Variants in ATXN1 observed in about 807,000 individuals in gnomAD.
The protein encoded by ATXN1 is ataxin-1.
ATXN1 carries 8 observed loss-of-function variants against 56.4 expected under a neutral mutation model. The ratio of observed to expected loss-of-function variants is 0.14; its 90% CI spans 0.08 to 0.26. ATXN1 has a LOEUF of 0.26. Among genes scored for constraint, ATXN1 ranks in the 10% least tolerant of loss-of-function variants. ATXN1 has a pLI of 1.00. For missense variants in ATXN1, 987 were observed against 1,106.5 expected, an observed-to-expected ratio of 0.89 and a Z score of 1.53; for synonymous variants, 514 against 494.6, an observed-to-expected ratio of 1.04 and a Z score of -0.52.
chr6:16,708,429 C>T (rs1303034607), intron 2 of ATXN1, among the ~76,000 whole-genome samples: 1 of 152,128 alleles, frequency 6.6e-6, no homozygotes, highest in Non-Finnish European at 1.5e-5. Flanking sequence ...AGACAATTCC[C>T]AGAGGAAATA....
At chr6:16,540,122 G>A (rs961530758) in intron 4 of ATXN1, among the ~76,000 whole-genome samples, 1 of 152,204 alleles carries the variant, frequency 6.6e-6, no homozygotes, top group East Asian at 1.9e-4. Flanking sequence ...CTGCAATGCT[G>A]AGAATCAAGA....
intron 5 of ATXN1, among the ~76,000 whole-genome samples, chr6:16,518,837 G>A (rs1294349699): frequency 1.3e-5 from 2 of 152,146 alleles, no homozygotes; most frequent in African/African-American, 4.8e-5. Flanking sequence ...TGGGAAAAAG[G>A]ATGATTTTGG....
At chr6:16,728,677 C>T (rs567369166) in intron 2 of ATXN1, among the ~76,000 whole-genome samples, 1 of 152,294 alleles carries the variant, frequency 6.6e-6, no homozygotes, top group East Asian at 1.9e-4. Context: ...TTAGTCCTTA[C>T]ATTGACTATA....
At chr6:16,329,542 T>C (rs1760931962) in intron 6 of ATXN1, among the ~76,000 whole-genome samples, 2 of 152,336 alleles carry the variant, frequency 1.3e-5, no homozygotes, top group African/African-American at 2.4e-5. Flanking sequence ...AATTTGATTA[T>C]GGTTAAAAAA....
At chr6:16,521,481 C>A (rs1174693790) in intron 5 of ATXN1, among the ~76,000 whole-genome samples, 1 of 152,180 alleles carries the variant, frequency 6.6e-6, no homozygotes, top group African/African-American at 2.4e-5. Context: ...TGGCGTGAAC[C>A]CGGGAGGCGG....
intron 3 of ATXN1, among the ~76,000 whole-genome samples, chr6:16,639,852 T>C (rs1317425026): frequency 6.6e-6 from 1 of 152,216 alleles, no homozygotes; most frequent in Non-Finnish European, 1.5e-5. Context: ...AAAGAAATAC[T>C]TCTTCTCTGA....
chr6:16,748,049 G>A (rs1053035602), intron 2 of ATXN1, among the ~76,000 whole-genome samples: 1 of 152,190 alleles, frequency 6.6e-6, no homozygotes, highest in Admixed American at 6.5e-5. Context: ...TCATCATCTC[G>A]CTGAGACTCT....
At chr6:16,707,281 T>C (rs1349749513) in intron 2 of ATXN1, among the ~76,000 whole-genome samples, 1 of 152,174 alleles carries the variant, frequency 6.6e-6, no homozygotes, top group Non-Finnish European at 1.5e-5. Flanking sequence ...CAAATGGAAT[T>C]TGGGAGGGAA....
chr6:16,694,498 T>G (rs888675860), intron 2 of ATXN1, among the ~76,000 whole-genome samples: 1 of 152,150 alleles, frequency 6.6e-6, no homozygotes, highest in Admixed American at 6.5e-5. Flanking sequence ...TAAAAGAAAT[T>G]ATGTCTATGT....
chr6:16,340,067 C>CA (rs1010661004), intron 6 of ATXN1, among the ~76,000 whole-genome samples: 2 of 152,224 alleles, frequency 1.3e-5, no homozygotes, highest in Non-Finnish European at 2.9e-5. Flanking sequence ...AGGTATGAGC[C>CA]ACCGCGCCTG....
At chr6:16,598,541 G>A (rs932433011) in intron 3 of ATXN1, among the ~76,000 whole-genome samples, 11 of 152,242 alleles carry the variant, frequency 7.2e-5, no homozygotes, top group African/African-American at 1.4e-4. Context: ...AGTCACTAAC[G>A]CTTGTCTCAG....
intron 6 of ATXN1, among the ~76,000 whole-genome samples, chr6:16,349,313 G>A (rs1349650964): frequency 1.3e-5 from 2 of 151,888 alleles, no homozygotes; most frequent in Non-Finnish European, 1.5e-5. Flanking sequence ...GACCATCCTG[G>A]CCAACATGGT....
chr6:16,708,427 C>A (rs1403966914), intron 2 of ATXN1, among the ~76,000 whole-genome samples: 1 of 152,108 alleles, frequency 6.6e-6, no homozygotes, highest in Admixed American at 6.5e-5. Context: ...CTAGACAATT[C>A]CCAGAGGAAA....
At position 16,303,273 on chromosome 6, in the gene ATXN1, T is replaced by G. The variant is rs1468986520; in HGVS notation, c.*3056A>C. 1 of 152,372 alleles carries G rather than the reference T, an allele frequency of 6.6e-6. No homozygotes were observed. Among genetic ancestry groups the G allele is most frequent in the Non-Finnish European group, 1.5e-5 (1 of 68,106 alleles). 9.4% of individuals were successfully genotyped at this position (152,372 alleles called of 1,614,324 possible). A position where few individuals can be genotyped will look rare whatever the true frequency, so the allele number is the denominator to read the frequency against. On this transcript the variant is annotated 3_prime_UTR_variant, in exon 8 of 8. Coordinates refer to ENST00000436367, the MANE Select transcript of ATXN1 (RefSeq NM_001128164.2). The surrounding 1 kb of genome is among the most constrained non-coding windows in gnomAD (Gnocchi z 4.3). ...TCCACACTCCACATTCACTATTCCGTGTGGTGACAGGGGACACTGCGGTTC... is the reference window on the plus strand; with the variant it reads ...TCCACACTCCACATTCACTATTCCGGGTGGTGACAGGGGACACTGCGGTTC...
chr6:16,542,224 G>A (rs771565127), intron 4 of ATXN1, among the ~76,000 whole-genome samples: 2 of 152,118 alleles, frequency 1.3e-5, no homozygotes, highest in African/African-American at 2.4e-5. Flanking sequence ...CTTCCAATGG[G>A]TTCTCTGCAC....
In ATXN1 at chr6:16,306,450, G is replaced by A; in HGVS notation, c.2327C>T (p.Ala776Val). ...CTTCTCCAGTTTGCGGCTCTCTGGC[G>A]CCGACCACCTCCTCTTCCTCGTTGC... is the stretch of plus-strand genomic sequence containing the variant. ...PAATRKRRWS[A>V]PESRKLEKSE... The change falls in exon 8 of 8, where the codon GCG becomes GTG. Residue 776 changes from alanine (A) to valine (V), a missense_variant. Physicochemically the swap from Ala to Val is moderately conservative, Grantham distance 64. Around this residue, in one of 3 missense-constraint regions of ATXN1, gnomAD observed 196 missense variants for 196.7 expected, o/e 1.00. Transcript: ENST00000436367. The surrounding 1 kb of genome is among the most constrained non-coding windows in gnomAD (Gnocchi z 5.2). 3 of 1,614,124 alleles carry A rather than the reference G, an allele frequency of 1.9e-6. No homozygotes were observed. The highest frequency in any genetic ancestry group is 2.5e-6 in the Non-Finnish European group (3 of 1,180,038).
At chr6:16,510,692 T>G (rs991769920) in intron 5 of ATXN1, among the ~76,000 whole-genome samples, 6 of 152,064 alleles carry the variant, frequency 3.9e-5, no homozygotes, top group African/African-American at 1.4e-4. Context: ...GAGCTGTGAG[T>G]GCACCACTGC....
intron 4 of ATXN1, among the ~76,000 whole-genome samples, chr6:16,523,259 G>A (rs572499406): frequency 1.2e-4 from 18 of 152,198 alleles, no homozygotes; most frequent in South Asian, 8.3e-4. Context: ...TCATAGATCC[G>A]TGCCCATTTT....
At chr6:16,578,033 C>T (rs1762456890) in intron 4 of ATXN1, among the ~76,000 whole-genome samples, 1 of 152,074 alleles carries the variant, frequency 6.6e-6, no homozygotes, top group African/African-American at 2.4e-5. Context: ...TCATTTTCTC[C>T]CACTACATTA....
Sources: allele counts gnomAD v4.1 joint callset (sites outside exome capture counted in the v4.1 genomes callset), GRCh38; gene constraint gnomAD v4.1.1; regional missense constraint gnomAD v4.1.1; non-coding constraint Gnocchi (gnomAD v3.1); transcripts MANE v1.5; gene names NCBI Gene and HGNC (gene_info 2026-07-23, HGNC 2026-07-21).